The following TEX9 variants were observed in gnomAD, a reference collection of about 807,000 sequenced individuals.
The protein encoded by TEX9 is testis expressed 9, also known as testis-expressed protein 9.
TEX9 carries 74 observed loss-of-function variants against 59.6 expected under a neutral mutation model. The observed-to-expected ratio is 1.24, with a 90% CI of 1.03 to 1.51. The LOEUF is 1.51. Among genes scored for constraint, TEX9 ranks in the 40% most tolerant of loss-of-function variants. TEX9 has a pLI of 0.00. For missense variants in TEX9, 522 were observed against 447.8 expected (o/e 1.17, Z -1.49); for synonymous variants, 186 against 152.2 (o/e 1.22, Z -1.64).
chr15:56,357,053 G>T (rs2046698656), intron 1 of TEX9, among the ~76,000 whole-genome samples: 1 of 152,082 alleles, frequency 6.6e-6, no homozygotes, highest in African/African-American at 2.4e-5. Context: ...CAGGCTCACT[G>T]TTTCCTGAGA....
At chr15:56,343,839 A>G (rs1179756094) in intron 1 of TEX9, among the ~76,000 whole-genome samples, 1 of 152,184 alleles carries the variant, frequency 6.6e-6, no homozygotes, top group African/African-American at 2.4e-5. Flanking sequence ...TTTAGATCCA[A>G]TGGATCCAGT....
intron 12 of TEX9, among the ~76,000 whole-genome samples, chr15:56,435,605 T>C (rs1454021239): frequency 3.9e-5 from 6 of 151,988 alleles, no homozygotes; most frequent in African/African-American, 1.4e-4. Flanking sequence ...AAACACAAGC[T>C]ACCAAAACTC....
At chr15:56,344,644 A>C (rs1397198142) in intron 1 of TEX9, among the ~76,000 whole-genome samples, 1 of 152,250 alleles carries the variant, frequency 6.6e-6, no homozygotes, top group African/African-American at 2.4e-5. Flanking sequence ...AAATGGGTGA[A>C]TTGTGTATTA....
At position 56,444,694 on chromosome 15, in the gene TEX9, A is replaced by C. The variant is rs181873152; in HGVS notation, c.*30-977A>C. 4.2e-5 allele frequency: 66 copies of C among 1,586,140 alleles called. 1 individual carries two copies. The East Asian group carries it at 6.5e-4, about 16-fold the overall frequency. On this transcript the variant is annotated intron_variant, in intron 12 of 12. Transcript: ENST00000352903. ...CGTTTCTGTTATTAAAACAAAATTG[A>C]TCTTTCCGTTTTCAAATTTGAACAT...
At chr15:56,444,667 C>A in intron 12 of TEX9, 1 of 1,610,390 alleles carries the variant, frequency 6.2e-7, no homozygotes, top group East Asian at 2.2e-5. Flanking sequence ...ATTTCAGCAT[C>A]ACGTTTCTGT....
chr15:56,387,866 A>G (rs1481833384), intron 4 of TEX9, among the ~76,000 whole-genome samples: 2 of 152,016 alleles, frequency 1.3e-5, no homozygotes, highest in African/African-American at 4.8e-5. Context: ...GCAGACCTCC[A>G]TAAACACTCC....
chr15:56,437,133 G>A (rs139322163), intron 12 of TEX9, among the ~76,000 whole-genome samples: 10 of 151,098 alleles, frequency 6.6e-5, no homozygotes, highest in South Asian at 2.1e-4. Context: ...TACTTTGGTC[G>A]TCTGTCATCC....
chr15:56,327,346 T>A (rs1454030540), intron 1 of TEX9, among the ~76,000 whole-genome samples: 2 of 152,176 alleles, frequency 1.3e-5, no homozygotes, highest in African/African-American at 4.8e-5. Context: ...GAACAATGAA[T>A]CCTTACTTGC....
chr15:56,310,365 G>A (rs1395795373), intron 1 of TEX9, among the ~76,000 whole-genome samples: 1 of 152,202 alleles, frequency 6.6e-6, no homozygotes, highest in Non-Finnish European at 1.5e-5. Context: ...CCGGGAGGTG[G>A]AGATTATAGT....
exon 7 of TEX9, chr15:56,391,416 C>T (rs1276653269): frequency 6.0e-6 from 9 of 1,508,140 alleles, no homozygotes; most frequent in Non-Finnish European, 7.1e-6. Flanking sequence ...GACATTGGAA[C>T]AGGTAGATTT....
intron 12 of TEX9, among the ~76,000 whole-genome samples, chr15:56,445,168 G>A (rs2050886154): frequency 6.6e-6 from 1 of 151,922 alleles, no homozygotes; most frequent in South Asian, 2.1e-4. Context: ...TCCTGCCATT[G>A]GCCCTTGACG....
At chr15:56,367,121 G>A (rs1371361705) in intron 2 of TEX9, among the ~76,000 whole-genome samples, 2 of 152,132 alleles carry the variant, frequency 1.3e-5, no homozygotes, top group Non-Finnish European at 2.9e-5. Flanking sequence ...CTTAAAATGA[G>A]AAATATACAG....
At chr15:56,292,276 TA>T (rs1887221149) in intron 1 of TEX9, among the ~76,000 whole-genome samples, 1 of 152,204 alleles carries the variant, frequency 6.6e-6, no homozygotes, top group African/African-American at 2.4e-5. Flanking sequence ...CTTAAAGCTA[TA>T]GCTGCTTCCT....
At position 56,405,247 on chromosome 15, in the gene TEX9, C is replaced by T. The variant is rs1292969731; in HGVS notation, c.829-7055C>T. ...TGGCGTGAAACCGGGAGGGAGCTTG[C>T]GGTAAGCCTAGATGTCGCCACTGCA... On this transcript the variant is annotated intron_variant, in intron 9 of 12. Coordinates refer to ENST00000352903, the Ensembl canonical transcript of TEX9. 4.7e-5 allele frequency among the ~76,000 whole-genome samples: 7 copies of T among 148,348 alleles called. No homozygotes were observed. The South Asian group carries it at 1.3e-3, about 27-fold the overall frequency.
At chr15:56,271,003 C>A (rs143233232) in intron 1 of TEX9, among the ~76,000 whole-genome samples, 1 of 152,124 alleles carries the variant, frequency 6.6e-6, no homozygotes, top group Non-Finnish European at 1.5e-5. Flanking sequence ...CTGAGAGATC[C>A]GCTGTTAGTC....
chr15:56,417,343 G>T (rs905968473), intron 10 of TEX9, among the ~76,000 whole-genome samples: 9 of 151,760 alleles, frequency 5.9e-5, no homozygotes, highest in African/African-American at 2.2e-4. Flanking sequence ...TTAGTGCTAT[G>T]AATTTCCCTC....
intron 9 of TEX9, chr15:56,396,455 C>T (rs1215842960): frequency 2.0e-5 from 3 of 152,024 alleles, no homozygotes; most frequent in African/African-American, 7.2e-5. Context: ...TTAGTGAAGG[C>T]CTTCCCTAAT....
intron 1 of TEX9, among the ~76,000 whole-genome samples, chr15:56,302,938 A>G (rs2045396100): frequency 6.6e-6 from 1 of 152,248 alleles, no homozygotes; most frequent in Non-Finnish European, 1.5e-5. Context: ...AATCTACTTC[A>G]GGCCAAAAAC....
chr15:56,278,663 T>C (rs568063777), intron 1 of TEX9, among the ~76,000 whole-genome samples: 3 of 152,300 alleles, frequency 2.0e-5, no homozygotes, highest in Non-Finnish European at 4.4e-5. Flanking sequence ...TTCTGCCTTT[T>C]AGAAGCTTAT....
Sources: gnomAD v4.1 joint callset for allele counts (sites outside exome capture counted in the v4.1 genomes callset) on GRCh38, gnomAD v4.1.1 for gene constraint, MANE v1.5 for transcripts, NCBI Gene and HGNC (gene_info 2026-07-23, HGNC 2026-07-21) for gene names.